CTTNBP2NL: variants seen among roughly 807,000 people sequenced by gnomAD.
CTTNBP2NL encodes CTTNBP2 N-terminal like, also known as CTTNBP2 N-terminal-like protein.
Under a neutral mutation model 32.5 loss-of-function variants are expected in CTTNBP2NL, and 16 were observed. That is an observed-to-expected ratio of 0.49 (90% confidence interval 0.33 to 0.75). CTTNBP2NL has a LOEUF of 0.75. Ranked by LOEUF, CTTNBP2NL falls within the 30% of genes least tolerant of loss-of-function variation. CTTNBP2NL has a pLI of 0.02. For missense variants in CTTNBP2NL, 645 were observed against 756.0 expected (o/e 0.85, Z 1.72); for synonymous variants, 298 against 289.4 (o/e 1.03, Z -0.30).
rs5777114 is a variant in CTTNBP2NL, at chr1:112,435,142, C to CAAA, written c.100-13781_100-13779dup. On this transcript the variant is annotated intron_variant, in intron 3 of 5. Transcript: ENST00000271277. ...TGGGCAGCAGAGCAAGACTCTGTCT[C>CAAA]AAAAAAAAAAAAAAAAAAAAAGAAG... Among the ~76,000 whole-genome samples the CAAA allele has an allele frequency of 3.2e-3, 270 of 85,646 alleles. 2 individuals are homozygous for CAAA. The highest frequency in any genetic ancestry group is 6.6e-3 in the African/African-American group (145 of 21,870). 56.2% of individuals were successfully genotyped at this position (85,646 alleles called of 152,430 possible).
In CTTNBP2NL at chr1:112,457,625, G is replaced by C. The variant is rs996762505; in HGVS notation, c.*213G>C. On this transcript the variant is annotated 3_prime_UTR_variant, in exon 6 of 6. Transcript: ENST00000271277. ...ACATCTTTTTACTGAAGCCAGAAAGGCACCTCAAAGATGTCTCAAGCTCAG... is the reference window on the plus strand; with the variant it reads ...ACATCTTTTTACTGAAGCCAGAAAGCCACCTCAAAGATGTCTCAAGCTCAG... 9 of 504,010 alleles carry C rather than the reference G, an allele frequency of 1.8e-5. No individual in the cohort carries two copies. The highest frequency in any genetic ancestry group is 9.8e-5 in the East Asian group (3 of 30,670). 31.2% of individuals were successfully genotyped at this position (504,010 alleles called of 1,614,324 possible).
chr1:112,404,433 A>T (rs193144625), intron 1 of CTTNBP2NL, among the ~76,000 whole-genome samples: 26 of 152,304 alleles, frequency 1.7e-4, no homozygotes, highest in African/African-American at 6.3e-4. Flanking sequence ...TTGATGGTTA[A>T]TCCTTCATAC....
intron 1 of CTTNBP2NL, among the ~76,000 whole-genome samples, chr1:112,400,934 C>T (rs1056016740): frequency 1.4e-5 from 2 of 148,052 alleles, no homozygotes; most frequent in South Asian, 4.3e-4. Context: ...TCACTGCACT[C>T]CAGCCTGGGT....
chr1:112,391,304 A>G (rs1648175665), upstream of CTTNBP2NL, among the ~76,000 whole-genome samples: 1 of 152,212 alleles, frequency 6.6e-6, no homozygotes, highest in South Asian at 2.1e-4. Context: ...CGTGAGGAAA[A>G]GGAGATAGTG....
At chr1:112,451,709 G>T (rs934632796) in intron 4 of CTTNBP2NL, among the ~76,000 whole-genome samples, 1 of 149,682 alleles carries the variant, frequency 6.7e-6, no homozygotes, top group African/African-American at 2.5e-5. Flanking sequence ...GGTGGAGGTT[G>T]CAGTGAGCTG....
At chr1:112,455,857 C>T in intron 5 of CTTNBP2NL, 74 bp from the exon 6 acceptor site, 1 of 1,102,028 alleles carries the variant, frequency 9.1e-7, no homozygotes, top group Non-Finnish European at 1.3e-6. Flanking sequence ...TCCTGTATAC[C>T]AGAGAACAGC....
chr1:112,402,607 G>A (rs1468888375), intron 1 of CTTNBP2NL, among the ~76,000 whole-genome samples: 1 of 152,154 alleles, frequency 6.6e-6, no homozygotes, highest in Non-Finnish European at 1.5e-5. Context: ...CTCCAGGGAG[G>A]CCCTCATTAC....
Position 112,456,461 on chromosome 1 carries a change from T to A in CTTNBP2NL, c.969T>A (p.His323Gln). The A allele has an allele frequency of 6.2e-7, 1 of 1,614,086 alleles. No homozygotes were observed. Among genetic ancestry groups the A allele is most frequent in the Non-Finnish European group, 8.5e-7 (1 of 1,180,010 alleles). ...QTESFPAERT[H>Q]GSNIAKMTNT... The stretch of plus-strand genomic sequence containing the variant: ...AGAGTTTTCCAGCAGAAAGAACCCA[T>A]GGGAGCAACATAGCCAAGATGACAA... The change falls in exon 6 of 6, where the codon CAT (histidine) becomes CAA (glutamine). Residue 323 changes from histidine (H) to glutamine (Q), a missense_variant. Coordinates refer to ENST00000271277, the MANE Select transcript of CTTNBP2NL (RefSeq NM_018704.3).
chr1:112,418,354 G>T (rs570280889), intron 3 of CTTNBP2NL, among the ~76,000 whole-genome samples: 1 of 151,986 alleles, frequency 6.6e-6, no homozygotes, highest in Non-Finnish European at 1.5e-5. Flanking sequence ...CCATAATTAC[G>T]TTCTTTTTCT....
chr1:112,396,646 C>T (rs1478801084), intron 1 of CTTNBP2NL: 2 of 152,172 alleles, frequency 1.3e-5, no homozygotes, highest in Non-Finnish European at 1.5e-5. Flanking sequence ...GGCCAAACAT[C>T]CCTCCCTACA....
rs1650408138 is a variant in CTTNBP2NL, at chr1:112,457,493, T to A, written c.*81T>A. On this transcript the variant is annotated 3_prime_UTR_variant, in exon 6 of 6. Coordinates refer to ENST00000271277, the MANE Select transcript of CTTNBP2NL (RefSeq NM_018704.3). Reference sequence around the variant, plus strand: ...AGTCAGACTTCTGAGTCAGATTATGTTATTTATTTTGATAGTAGCTGAAAC... The same window carrying A: ...AGTCAGACTTCTGAGTCAGATTATGATATTTATTTTGATAGTAGCTGAAAC... 1.8e-5 allele frequency: 22 copies of A among 1,232,742 alleles called. No individual in the cohort carries two copies. In the South Asian group the frequency reaches 3.2e-4, roughly 18 times the overall value. The allele number at this position is 1,232,742 out of a possible 1,614,324, so 76.4% of individuals were successfully genotyped here.
intron 3 of CTTNBP2NL, among the ~76,000 whole-genome samples, chr1:112,421,815 T>C (rs1557888725): frequency 6.6e-6 from 1 of 152,176 alleles, no homozygotes; most frequent in Non-Finnish European, 1.5e-5. Flanking sequence ...GTTAAGGGTG[T>C]ACTCTGGTGC....
chr1:112,413,486 A>G (rs551111972), intron 2 of CTTNBP2NL, among the ~76,000 whole-genome samples: 1 of 152,316 alleles, frequency 6.6e-6, no homozygotes, highest in African/African-American at 2.4e-5. Flanking sequence ...TATGAGTTAA[A>G]TATCATCATC....
chr1:112,413,179 A>G (rs559328811), intron 2 of CTTNBP2NL, among the ~76,000 whole-genome samples: 6 of 152,220 alleles, frequency 3.9e-5, no homozygotes, highest in Non-Finnish European at 8.8e-5. Flanking sequence ...CTTTAAGTAC[A>G]ATATAATTTA....
In CTTNBP2NL at chr1:112,398,681, C is replaced by T. The variant is rs189552829; in HGVS notation, c.-134+2409C>T. Among the ~76,000 whole-genome samples the T allele has an allele frequency of 8.6e-5, 13 of 152,032 alleles. No individual in the cohort carries two copies. In the East Asian group the frequency reaches 1.9e-3, roughly 23 times the overall value. The stretch of plus-strand genomic sequence containing the variant: ...ATCTGTGAGGCAGGGTGTGGTGGCT[C>T]ATCCCTGTAATCCTTGCTACTTGGG... On this transcript the variant is annotated intron_variant, in intron 1 of 5. Transcript: ENST00000271277.
At chr1:112,420,470 C>CAT (rs1048274367) in intron 3 of CTTNBP2NL, among the ~76,000 whole-genome samples, 3 of 150,694 alleles carry the variant, frequency 2.0e-5, no homozygotes, top group Non-Finnish European at 4.4e-5. Flanking sequence ...TTCCTATGCT[C>CAT]TGTTTCTTTT....
intron 3 of CTTNBP2NL, among the ~76,000 whole-genome samples, chr1:112,422,065 A>G (rs2492516): frequency 0.51 from 76,983 of 152,034 alleles, 22,220 homozygotes; most frequent in South Asian, 0.7. Flanking sequence ...CATTATCACA[A>G]TCAAGATAAC....
At chr1:112,405,912 G>A (rs1480586475) in intron 1 of CTTNBP2NL, among the ~76,000 whole-genome samples, 1 of 152,290 alleles carries the variant, frequency 6.6e-6, no homozygotes, top group African/African-American at 2.4e-5. Context: ...GCGGCCGGGC[G>A]CAGTGGCTCA....
rs77576697 is a variant in CTTNBP2NL at position 112,453,666 on chromosome 1, A to G, written c.331-783A>G. ...ACTTGGGAGGCTGAGAGGTGGGAGA[A>G]TCTCTTGAGCTCGGGAGGCCAAGGC... On this transcript the variant is annotated intron_variant, in intron 4 of 5. Transcript: ENST00000271277. 7.0e-3 allele frequency among the ~76,000 whole-genome samples: 1,070 copies of G among 152,198 alleles called. 13 individuals carry two copies. The highest frequency in any genetic ancestry group is 0.036 in the East Asian group (185 of 5,154).
Sources: gnomAD v4.1 joint callset for allele counts (sites outside exome capture counted in the v4.1 genomes callset) on GRCh38, gnomAD v4.1.1 for gene constraint, MANE v1.5 for transcripts, NCBI Gene and HGNC (gene_info 2026-07-23, HGNC 2026-07-21) for gene names.